The following SGCD variants were observed in gnomAD, a reference collection of about 807,000 sequenced individuals.
The protein encoded by SGCD is sarcoglycan delta, also known as delta-sarcoglycan.
In SGCD, 18 loss-of-function variants were observed where a neutral mutation model predicts 36.6. The ratio of observed to expected loss-of-function variants is 0.49; its 90% CI spans 0.34 to 0.73. SGCD has a LOEUF of 0.73. SGCD is among the 30% of genes least tolerant of loss of function. The pLI is 0.01. For synonymous variants in SGCD, 133 were observed against 130.6 expected (o/e 1.02, Z -0.12); for missense variants, 387 against 346.7 (o/e 1.12, Z -0.92).
chr5:156,348,029 T>C (rs552245735), intron 3 of SGCD, among the ~76,000 whole-genome samples: 1 of 152,348 alleles, frequency 6.6e-6, no homozygotes, highest in African/African-American at 2.4e-5. Context: ...AAATTGGTCT[T>C]GCCCTGCAAG....
chr5:156,325,803 T>C (rs1420702410), upstream of SGCD, among the ~76,000 whole-genome samples: 1 of 152,168 alleles, frequency 6.6e-6, no homozygotes, highest in East Asian at 1.9e-4. Context: ...GATCTGATTC[T>C]GTAATTGCAT....
chr5:156,575,681 T>C (rs1759912666), intron 4 of SGCD, among the ~76,000 whole-genome samples: 2 of 152,304 alleles, frequency 1.3e-5, no homozygotes, highest in African/African-American at 4.8e-5. Context: ...AGCTAAGTCA[T>C]AACTTGTATA....
chr5:156,537,588 A>G (rs1383340464), intron 4 of SGCD, among the ~76,000 whole-genome samples: 4 of 151,408 alleles, frequency 2.6e-5, no homozygotes, highest in Non-Finnish European at 4.4e-5. Context: ...GTGTTCTTTG[A>G]TACTTCCTCT....
chr5:156,443,040 A>G (rs1753565139), intron 3 of SGCD, among the ~76,000 whole-genome samples: 1 of 152,086 alleles, frequency 6.6e-6, no homozygotes, highest in Admixed American at 6.6e-5. Context: ...GCTGGAGTGC[A>G]GTGGGTCAAT....
chr5:156,304,680 G>A lies in SGCD; in HGVS notation c.-43-24854G>A, dbSNP rs931926908. Among the ~76,000 whole-genome samples the A allele has an allele frequency of 2.0e-5, 3 of 152,190 alleles. No individual in the cohort carries two copies. In the East Asian group the frequency reaches 5.8e-4, roughly 29 times the overall value. ...CTTTGGAACTGGGTAACAGGCAGAG[G>A]TTGGAACAGTTTGGAAGGCTCTGAA... On this transcript the variant is annotated intron_variant, in intron 3 of 9. Transcript: ENST00000517913.
chr5:156,087,355 C>T (rs1288061470), intron 1 of SGCD, among the ~76,000 whole-genome samples: 2 of 152,076 alleles, frequency 1.3e-5, no homozygotes, highest in African/African-American at 4.8e-5. Flanking sequence ...ATATCTAGTG[C>T]CAGCTGGGCA....
chr5:156,166,080 C>T (rs10037198), intron 3 of SGCD, among the ~76,000 whole-genome samples: 2,556 of 91,584 alleles, frequency 0.028, 72 homozygotes, highest in African/African-American at 0.077. Context: ...TTTTCTCTTC[C>T]GGTGTCTGTA....
At chr5:156,739,545 G>A (rs1294959181) in intron 7 of SGCD, 1 of 152,146 alleles carries the variant, frequency 6.6e-6, no homozygotes, top group Non-Finnish European at 1.5e-5. Flanking sequence ...TGACCAAGAA[G>A]ATCACTCTAG....
intron 3 of SGCD, among the ~76,000 whole-genome samples, chr5:156,212,770 T>C (rs1764478535): frequency 6.6e-6 from 1 of 152,078 alleles, no homozygotes; most frequent in South Asian, 2.1e-4. Flanking sequence ...TCTTAATGCA[T>C]TTAAGAAGAT....
intron 3 of SGCD, among the ~76,000 whole-genome samples, chr5:156,283,023 T>G (rs752691897): frequency 3.3e-5 from 5 of 152,180 alleles, no homozygotes; most frequent in Non-Finnish European, 5.9e-5. Context: ...ATTAAATTAG[T>G]GTTGTTAGAA....
chr5:155,784,640 C>T, the SGCD span, among the ~76,000 whole-genome samples: 4 of 134,564 alleles, frequency 3.0e-5, no homozygotes, highest in African/African-American at 5.5e-5. Flanking sequence ...GTAAGAGCTC[C>T]TTTTTTTTTT....
At chr5:155,753,226 A>G in the SGCD span, among the ~76,000 whole-genome samples, 1 of 151,894 alleles carries the variant, frequency 6.6e-6, no homozygotes, top group Non-Finnish European at 1.5e-5. Context: ...AGTCCCACCT[A>G]CTCGGGAGGC....
Position 156,685,489 on chromosome 5 carries a change from CA to C in SGCD, c.575+37954del, listed in dbSNP as rs1216424618. Among the ~76,000 whole-genome samples, 69 of 152,278 alleles carry C rather than the reference CA, an allele frequency of 4.5e-4. 1 individual carries two copies. The highest frequency in any genetic ancestry group is 1.6e-3 in the African/African-American group (65 of 41,562). ...CCCAAACATTAGACGAAGCAAGCTG[CA>C]GAGTGCCATAGAGTAGAAAGGGCCA... On this transcript the variant is annotated intron_variant, in intron 7 of 8. Transcript: ENST00000337851.
chr5:156,465,597 C>A (rs976272953), intron 3 of SGCD, among the ~76,000 whole-genome samples: 2 of 152,162 alleles, frequency 1.3e-5, no homozygotes, highest in African/African-American at 4.8e-5. Flanking sequence ...AGGCCGCCTC[C>A]AAGAGCATCT....
Position 155,999,602 on chromosome 5 carries a change from C to T in SGCD, c.-281-118276C>T, listed in dbSNP as rs568522382. The stretch of plus-strand genomic sequence containing the variant: ...CTGCCCTAACCATAGAATTCCATGG[C>T]TCCCCTGAAAAACCAAAGGCCTCAT... On this transcript the variant is annotated intron_variant, in intron 1 of 9. Coordinates refer to the SGCD transcript ENST00000517913. Among the ~76,000 whole-genome samples the T allele has an allele frequency of 3.3e-5, 5 of 152,272 alleles. No individual in the cohort carries two copies. In the East Asian group the frequency reaches 9.6e-4, roughly 29 times the overall value.
intron 1 of SGCD, among the ~76,000 whole-genome samples, chr5:155,886,344 G>A (rs2113304738): frequency 6.6e-6 from 1 of 152,250 alleles, no homozygotes; most frequent in South Asian, 2.1e-4. Flanking sequence ...TCAAAATGGT[G>A]TGATCAGCTC....
chr5:156,485,875 C>T (rs1755634052), intron 3 of SGCD, among the ~76,000 whole-genome samples: 1 of 152,124 alleles, frequency 6.6e-6, no homozygotes, highest in South Asian at 2.1e-4. Context: ...CCAGGAAAAA[C>T]TCCCCAGTGC....
chr5:156,369,701 T>C (rs1204567870), intron 3 of SGCD, among the ~76,000 whole-genome samples: 2 of 152,188 alleles, frequency 1.3e-5, no homozygotes, highest in Non-Finnish European at 2.9e-5. Flanking sequence ...TAAATCTAAA[T>C]TTAGCTCTTC....
intron 3 of SGCD, among the ~76,000 whole-genome samples, chr5:156,244,854 C>A (rs1352370172): frequency 6.6e-6 from 1 of 152,122 alleles, no homozygotes; most frequent in Non-Finnish European, 1.5e-5. Context: ...TACCCATGAC[C>A]CAGATTCAAC....
Sources: gnomAD v4.1 joint callset for allele counts (sites outside exome capture counted in the v4.1 genomes callset) on GRCh38, gnomAD v4.1.1 for gene constraint, MANE v1.5 for transcripts, NCBI Gene and HGNC (gene_info 2026-07-23, HGNC 2026-07-21) for gene names.